MYO10: variants seen among roughly 807,000 people sequenced by gnomAD.
The protein encoded by MYO10 is myosin X, also known as unconventional myosin-X.
MYO10 carries 133 observed loss-of-function variants against 257.3 expected under a neutral mutation model. The observed-to-expected ratio is 0.52, with a 90% confidence interval of 0.45 to 0.60. The LOEUF is 0.60. Ranked by LOEUF, MYO10 falls within the 20% of genes least tolerant of loss-of-function variation. The pLI, the probability that MYO10 is intolerant of heterozygous loss-of-function variation, is 0.00. For missense variants in MYO10, 2,399 were observed against 2,635.7 expected (o/e 0.91, Z 1.97); for synonymous variants, 1,104 against 1,028.6 (o/e 1.07, Z -1.40).
chr5:16,864,982 C>T (rs879646669), intron 2 of MYO10, among the ~76,000 whole-genome samples: 1 of 152,154 alleles, frequency 6.6e-6, no homozygotes, highest in Non-Finnish European at 1.5e-5. Flanking sequence ...ACTCTGTAGG[C>T]TGGTGTTTAG....
chr5:16,797,100 G>C (rs538195120), intron 3 of MYO10, among the ~76,000 whole-genome samples: 1 of 152,266 alleles, frequency 6.6e-6, no homozygotes, highest in South Asian at 2.1e-4. Flanking sequence ...ATCAAGCAAA[G>C]TATTGTTTTG....
At chr5:16,823,714 T>C (rs969862707) in intron 2 of MYO10, among the ~76,000 whole-genome samples, 1 of 148,834 alleles carries the variant, frequency 6.7e-6, no homozygotes, top group Non-Finnish European at 1.5e-5. Context: ...CCTCGTGATC[T>C]GCCCGCCTTG....
chr5:16,899,157 C>T (rs1173750221), intron 1 of MYO10, among the ~76,000 whole-genome samples: 1 of 145,450 alleles, frequency 6.9e-6, no homozygotes. Context: ...AAAAAAAGTG[C>T]TAGCGTGTGA....
chr5:16,739,308 A>G (rs1293491433), intron 19 of MYO10, among the ~76,000 whole-genome samples: 1 of 151,468 alleles, frequency 6.6e-6, no homozygotes, highest in East Asian at 1.9e-4. Context: ...AAGTAATTTT[A>G]TATTTCACCT....
rs773293108 is a variant in MYO10 at position 16,817,744 on chromosome 5, G to T, written c.279+265C>A. The stretch of plus-strand genomic sequence containing the variant: ...ACTTAGAAACTGAACACAACACAGC[G>T]TATTCACAAGCAGCAAGGTCAAACT... On this transcript the variant is annotated intron_variant, in intron 3 of 40. Transcript: ENST00000513610. Among the ~76,000 whole-genome samples, 5 of 152,134 alleles carry T rather than the reference G, an allele frequency of 3.3e-5. No individual in the cohort carries two copies. In the East Asian group the frequency reaches 9.6e-4, roughly 29 times the overall value.
chr5:16,865,833 A>G (rs1478594904), intron 2 of MYO10, among the ~76,000 whole-genome samples: 2 of 151,300 alleles, frequency 1.3e-5, no homozygotes, highest in South Asian at 2.1e-4. Flanking sequence ...AATAATAATA[A>G]TAGTAAAAAA....
chr5:16,674,722 G>C (rs573712395), intron 35 of MYO10, 131 bp downstream of exon 35: 2 of 1,056,260 alleles, frequency 1.9e-6, no homozygotes, highest in South Asian at 2.9e-5. Flanking sequence ...CAACCCACAA[G>C]TCTGACCCAG....
chr5:16,699,774 A>C, intron 25 of MYO10: 26 of 312,498 alleles, frequency 8.3e-5, no homozygotes, highest in South Asian at 4.0e-4. Context: ...GCAACAGAGC[A>C]AGCCTCAGTC....
At chr5:16,723,520 G>A (rs992238492) in intron 19 of MYO10, among the ~76,000 whole-genome samples, 1 of 152,154 alleles carries the variant, frequency 6.6e-6, no homozygotes, top group Non-Finnish European at 1.5e-5. Flanking sequence ...ACCCAGAATT[G>A]GCAGGAATGC....
At chr5:16,785,633 G>A (rs1210433008) in intron 4 of MYO10, among the ~76,000 whole-genome samples, 1 of 152,234 alleles carries the variant, frequency 6.6e-6, no homozygotes, top group Non-Finnish European at 1.5e-5. Flanking sequence ...ACCATGGGAG[G>A]CTGAGGCGGG....
At chr5:16,740,576 G>A (rs773769759) in intron 19 of MYO10, among the ~76,000 whole-genome samples, 33 of 152,004 alleles carry the variant, frequency 2.2e-4, no homozygotes, top group Admixed American at 6.6e-5. Flanking sequence ...GAGGGAAGCC[G>A]ACCGACTGGG....
At position 16,769,139 on chromosome 5, in the gene MYO10, C is replaced by T; in HGVS notation, c.995G>A (p.Gly332Asp). 1 of 1,612,654 alleles carries T rather than the reference C, an allele frequency of 6.2e-7. No individual in the cohort carries two copies. Among genetic ancestry groups the T allele is most frequent in the Non-Finnish European group, 8.5e-7 (1 of 1,179,422 alleles). ...EVREVSRLLA[G>D]ILHLGNIEFI... is the part of the protein sequence containing the mutation. ...TTCTATGTTCCCAAGATGCAGTATA[C>T]CAGCAAGCAGCCTCGACACTTCCCG... The change falls in exon 10 of 41, where the codon GGT becomes GAT. Residue 332 changes from glycine to aspartate, a missense_variant. Coordinates refer to ENST00000513610, the MANE Select transcript of MYO10 (RefSeq NM_012334.3).
chr5:16,868,286 C>G (rs1021197469), intron 2 of MYO10, among the ~76,000 whole-genome samples: 2 of 152,168 alleles, frequency 1.3e-5, no homozygotes, highest in African/African-American at 2.4e-5. Flanking sequence ...GAGTTGATCA[C>G]CTGCAGAACC....
At chr5:16,718,093 T>C (rs1156243918) in intron 19 of MYO10, among the ~76,000 whole-genome samples, 5 of 152,324 alleles carry the variant, frequency 3.3e-5, no homozygotes, top group Non-Finnish European at 5.9e-5. Flanking sequence ...ACTTAGCACC[T>C]GGGCCAGTGG....
intron 1 of MYO10, among the ~76,000 whole-genome samples, chr5:16,920,884 G>A (rs1745960815): frequency 2.0e-5 from 3 of 152,138 alleles, no homozygotes; most frequent in African/African-American, 7.2e-5. Flanking sequence ...TTGGGAGGCT[G>A]AGGTGGGCGA....
intron 1 of MYO10, among the ~76,000 whole-genome samples, chr5:16,911,735 CCAA>C (rs1277404582): frequency 6.6e-6 from 1 of 151,880 alleles, no homozygotes; most frequent in Non-Finnish European, 1.5e-5. Context: ...CTGTCTTAGA[CCAA>C]CAACAACAAC....
chr5:16,876,819 T>C (rs1279830998), intron 2 of MYO10, among the ~76,000 whole-genome samples: 1 of 152,200 alleles, frequency 6.6e-6, no homozygotes, highest in Non-Finnish European at 1.5e-5. Flanking sequence ...CCTCCCAAAG[T>C]GCTGGGATTA....
At chr5:16,910,376 A>G (rs971134360) in intron 1 of MYO10, among the ~76,000 whole-genome samples, 2 of 152,150 alleles carry the variant, frequency 1.3e-5, no homozygotes, top group African/African-American at 4.8e-5. Flanking sequence ...TGACTTGCCC[A>G]AGTTTGCACA....
At chr5:16,675,700 T>G (rs1321756897) in intron 34 of MYO10, among the ~76,000 whole-genome samples, 1 of 152,128 alleles carries the variant, frequency 6.6e-6, no homozygotes, top group East Asian at 1.9e-4. Flanking sequence ...ATTGCACCAC[T>G]GCACCCCAGC....
Sources: gnomAD v4.1 joint callset for allele counts (sites outside exome capture counted in the v4.1 genomes callset) on GRCh38, gnomAD v4.1.1 for gene constraint, MANE v1.5 for transcripts, NCBI Gene and HGNC (gene_info 2026-07-23, HGNC 2026-07-21) for gene names.